The following ELF5 variants were observed in gnomAD, a reference collection of about 807,000 sequenced individuals.
ELF5 encodes E74 like ETS transcription factor 5.
In ELF5, 31 loss-of-function variants were observed where a neutral mutation model predicts 38.2. The ratio of observed to expected loss-of-function variants is 0.81; its 90% CI spans 0.61 to 1.10. The LOEUF is 1.10. ELF5 is among the 50% of genes least tolerant of loss of function. ELF5 has a pLI of 0.00. For missense variants in ELF5, 300 were observed against 306.6 expected (o/e 0.98, Z 0.16); for synonymous variants, 121 against 112.5 (o/e 1.08, Z -0.48).
At chr11:34,500,967 G>A (rs908560877) in intron 2 of ELF5, among the ~76,000 whole-genome samples, 38 of 148,174 alleles carry the variant, frequency 2.6e-4, no homozygotes, top group Middle Eastern at 3.2e-3. Context: ...GTATGTGCCC[G>A]TTATCATGCT....
Position 34,493,606 on chromosome 11 carries a change from G to A in ELF5, c.228C>T (p.Cys76=). 6.2e-7 allele frequency: 1 copy of A among 1,614,206 alleles called. No individual in the cohort carries two copies. The highest frequency in any genetic ancestry group is 8.5e-7 in the Non-Finnish European group (1 of 1,180,042). The part of the protein sequence containing the change: ...CCDQYKLDTN[C]ISFCNFNISG... ...TGATGTTGAAGTTGCAGAAGGAGAT[G>A]CAATTGGTGTCCAACTTGTACTGGT... The change falls in exon 3 of 7, where the codon TGC becomes TGT. Residue 76 remains cysteine, a synonymous_variant. Transcript: ENST00000257832.
At chr11:34,482,697 T>G (rs1056099614) in intron 4 of ELF5, among the ~76,000 whole-genome samples, 198 bp from the exon 5 acceptor site, 1 of 152,150 alleles carries the variant, frequency 6.6e-6, no homozygotes, top group Non-Finnish European at 1.5e-5. Context: ...GTATTCAATC[T>G]CACCCCACCC....
At chr11:34,488,113 A>G (rs1850053890) in intron 4 of ELF5, among the ~76,000 whole-genome samples, 1 of 152,144 alleles carries the variant, frequency 6.6e-6, no homozygotes, top group East Asian at 1.9e-4. Flanking sequence ...CCCATTACAC[A>G]CAAAACATGC....
chr11:34,505,393 C>G (rs1850586083), intron 2 of ELF5, among the ~76,000 whole-genome samples: 1 of 152,218 alleles, frequency 6.6e-6, no homozygotes, highest in Non-Finnish European at 1.5e-5. Flanking sequence ...GAGAGGTTAG[C>G]TGAGCCGTGC....
At chr11:34,489,929 T>C (rs1850118102) in intron 4 of ELF5, 80 bp downstream of exon 4, 6 of 1,525,600 alleles carry the variant, frequency 3.9e-6, no homozygotes, top group Non-Finnish European at 5.5e-6. Flanking sequence ...CTTTTCAGTA[T>C]GATCCTAAAA....
At chr11:34,493,381 T>G (rs1373202480) in intron 3 of ELF5, 98 bp downstream of exon 3, 2 of 1,164,668 alleles carry the variant, frequency 1.7e-6, no homozygotes, top group Non-Finnish European at 2.5e-6. Context: ...GTTAGTAAAA[T>G]TTTGCTGTGC....
chr11:34,505,592 T>C (rs761173768), intron 2 of ELF5, 37 bp downstream of exon 2: 6 of 1,611,678 alleles, frequency 3.7e-6, no homozygotes, highest in Non-Finnish European at 5.1e-6. Context: ...TAGCCCATCC[T>C]GGCTGCACTC....
chr11:34,488,209 T>A (rs2133877995), intron 4 of ELF5, among the ~76,000 whole-genome samples: 1 of 152,290 alleles, frequency 6.6e-6, no homozygotes, highest in Non-Finnish European at 1.5e-5. Context: ...CGACCTTGCC[T>A]CAATGAGAGC....
intron 2 of ELF5, among the ~76,000 whole-genome samples, chr11:34,500,607 T>C (rs1850440940): frequency 6.6e-6 from 1 of 152,236 alleles, no homozygotes; most frequent in African/African-American, 2.4e-5. Context: ...CCTGGGGCCA[T>C]GGCCACCCAG....
At position 34,505,079 on chromosome 11, in the gene ELF5, A is replaced by G. The variant is rs578085234; in HGVS notation, c.121+550T>C. Among the ~76,000 whole-genome samples, 5 of 152,340 alleles carry G rather than the reference A, an allele frequency of 3.3e-5. 1 individual carries two copies. In the South Asian group the frequency reaches 1.0e-3, roughly 32 times the overall value. ...GTGATATCAATTATAAGATGGGTCA[A>G]CTTGCATGGAGCTTAACTGTGAGGC... On this transcript the variant is annotated intron_variant, in intron 2 of 6. Transcript: ENST00000257832.
chr11:34,503,214 AG>A, intron 2 of ELF5, among the ~76,000 whole-genome samples: 1 of 152,150 alleles, frequency 6.6e-6, no homozygotes, highest in Non-Finnish European at 1.5e-5. Context: ...GCTGGAGTGC[AG>A]TGGCATACTC....
At chr11:34,507,846 T>C (rs1850647536) in intron 1 of ELF5, among the ~76,000 whole-genome samples, 1 of 152,228 alleles carries the variant, frequency 6.6e-6, no homozygotes, top group Non-Finnish European at 1.5e-5. Flanking sequence ...ATTAAACACA[T>C]GGAATTTTAA....
intron 2 of ELF5, among the ~76,000 whole-genome samples, chr11:34,494,218 C>A (rs1468011515): frequency 6.6e-6 from 1 of 152,196 alleles, no homozygotes; most frequent in Non-Finnish European, 1.5e-5. Flanking sequence ...TGTAGAATGG[C>A]ACACAGAAAC....
At chr11:34,511,171 T>A (rs187387657) in intron 1 of ELF5, among the ~76,000 whole-genome samples, 35 of 152,302 alleles carry the variant, frequency 2.3e-4, no homozygotes, top group Admixed American at 2.2e-3. Context: ...TATATTTGCA[T>A]TTTTTTGGTC....
Position 34,484,481 on chromosome 11 carries a change from AACTATACTATACTAT to A in ELF5, c.407-1997_407-1983del, listed in dbSNP as rs67918732. Among the ~76,000 whole-genome samples the A allele has an allele frequency of 1.5e-3, 169 of 115,918 alleles. 1 individual carries two copies. Among genetic ancestry groups the A allele is most frequent in the Admixed American group, 7.3e-3 (78 of 10,640 alleles). The allele number at this position is 115,918 out of a possible 152,430, so 76.0% of individuals were successfully genotyped here. A position where few individuals can be genotyped will look rare whatever the true frequency, so the allele number is the denominator to read the frequency against. On this transcript the variant is annotated intron_variant, in intron 4 of 6. Transcript: ENST00000257832. ...ATACTGTACTGTGCTACACTATACT[AACTATACTATACTAT>A]ACTATACTATACTATACTATACTAT...
At chr11:34,495,404 C>T (rs543362654) in intron 2 of ELF5, among the ~76,000 whole-genome samples, 1 of 152,286 alleles carries the variant, frequency 6.6e-6, no homozygotes, top group South Asian at 2.1e-4. Flanking sequence ...CTCTGCCTGT[C>T]AGGTGCTACT....
At chr11:34,505,606 T>C in intron 2 of ELF5, 23 bp downstream of exon 2, 1 of 1,612,974 alleles carries the variant, frequency 6.2e-7, no homozygotes, top group Non-Finnish European at 8.5e-7. Context: ...TGCACTCAGA[T>C]GGGCTCCTTC....
At chr11:34,512,510 T>C (rs764813768) in intron 1 of ELF5, among the ~76,000 whole-genome samples, 1 of 152,142 alleles carries the variant, frequency 6.6e-6, no homozygotes, top group Non-Finnish European at 1.5e-5. Context: ...CTTAAGCTTT[T>C]TTTCATATAG....
intron 2 of ELF5, among the ~76,000 whole-genome samples, chr11:34,501,139 A>G (rs1320197192): frequency 6.6e-6 from 1 of 152,174 alleles, no homozygotes; most frequent in Non-Finnish European, 1.5e-5. Context: ...ATCTGGGTGT[A>G]TTCTGGCTCC....
Sources: allele counts gnomAD v4.1 joint callset (sites outside exome capture counted in the v4.1 genomes callset), GRCh38; gene constraint gnomAD v4.1.1; transcripts MANE v1.5; gene names NCBI Gene and HGNC (gene_info 2026-07-23, HGNC 2026-07-21).